The following NF1 variants were observed in gnomAD, a reference collection of about 807,000 sequenced individuals.
The protein encoded by NF1 is neurofibromin 1.
NF1 carries 122 observed loss-of-function variants against 325.7 expected under a neutral mutation model. The observed-to-expected ratio is 0.37, with a 90% confidence interval of 0.32 to 0.44. The LOEUF (loss-of-function observed/expected upper bound fraction) is 0.44, where lower values mean the gene tolerates loss of function less well. Among genes scored for constraint, NF1 ranks in the 20% least tolerant of loss-of-function variants. The pLI is 1.00. For missense variants in NF1, 2,140 were observed against 3,415.4 expected, an observed-to-expected ratio of 0.63 and a Z score of 9.31; for synonymous variants, 1,091 against 1,186.0, an observed-to-expected ratio of 0.92 and a Z score of 1.65.
At chr17:31,135,931 G>A (rs1915735701) in intron 1 of NF1, among the ~76,000 whole-genome samples, 1 of 151,838 alleles carries the variant, frequency 6.6e-6, no homozygotes, top group East Asian at 1.9e-4. Flanking sequence ...TACCCCTTGA[G>A]TCTCAGAATT....
At chr17:31,172,794 T>C (rs1469708793) in intron 5 of NF1, among the ~76,000 whole-genome samples, 6 of 152,200 alleles carry the variant, frequency 3.9e-5, no homozygotes. Flanking sequence ...GGCTTTGAGG[T>C]AGAGAATACC....
At chr17:31,209,118 T>C (rs545259666) in intron 12 of NF1, among the ~76,000 whole-genome samples, 43 of 152,030 alleles carry the variant, frequency 2.8e-4, no homozygotes, top group South Asian at 1.5e-3. Flanking sequence ...CAATATTCCC[T>C]TTACCCCCCA....
intron 57 of NF1, among the ~76,000 whole-genome samples, chr17:31,370,417 C>A (rs2070612943): frequency 6.6e-6 from 1 of 152,102 alleles, no homozygotes; most frequent in Admixed American, 6.6e-5. Context: ...GCATTTCCTT[C>A]CAGTTTCTTT....
intron 1 of NF1, among the ~76,000 whole-genome samples, chr17:31,101,179 A>C (rs562353373): frequency 6.6e-5 from 10 of 152,004 alleles, no homozygotes; most frequent in Non-Finnish European, 1.3e-4. Context: ...TTTTCTTGAA[A>C]GTGATTACTT....
chr17:31,337,705 T>C (rs1040887404), intron 43 of NF1, 114 bp from the exon 44 acceptor site: 6 of 1,376,654 alleles, frequency 4.4e-6, no homozygotes, highest in Middle Eastern at 2.0e-4. Flanking sequence ...TAAAAACACT[T>C]GCATGGACTG....
chr17:31,096,825 C>T (rs918433710), intron 1 of NF1, among the ~76,000 whole-genome samples: 2 of 152,148 alleles, frequency 1.3e-5, no homozygotes, highest in Non-Finnish European at 2.9e-5. Flanking sequence ...TCGTATGCTT[C>T]CAGACCCAAA....
chr17:31,107,887 C>T (rs187065043), intron 1 of NF1, among the ~76,000 whole-genome samples: 84 of 152,040 alleles, frequency 5.5e-4, no homozygotes, highest in African/African-American at 2.0e-3. Flanking sequence ...CCTGTAATCC[C>T]AGCACTTTGG....
rs2067066207 is a variant in NF1, at chr17:31,229,113, C to A, written c.2498C>A (p.Ser833Tyr). Residue 833 changes from serine to tyrosine, a missense_variant, in exon 21 of 58, where the codon TCC (serine) becomes TAC (tyrosine). This residue lies in a region of NF1 where 380 missense variants were observed against 639.3 expected (regional missense o/e 0.59). Transcript: ENST00000358273. ...GGSIDLSDTD[S>Y]LQEWINMTGF... ...TCCATAGATTTGTCTGACACAGACT[C>A]CCTACAGGAATGGATCAACATGACT... is the stretch of plus-strand genomic sequence containing the variant. 4 of 1,611,848 alleles carry A rather than the reference C, an allele frequency of 2.5e-6. No homozygotes were observed. Among genetic ancestry groups the A allele is most frequent in the Non-Finnish European group, 3.4e-6 (4 of 1,179,786 alleles).
chr17:31,252,888 C>A (rs756210967), intron 30 of NF1, 50 bp from the exon 31 acceptor site: 1 of 1,421,942 alleles, frequency 7.0e-7, no homozygotes, highest in Non-Finnish European at 9.9e-7. Flanking sequence ...GTTTTTGTTG[C>A]TGTATGTAGT....
In NF1 at chr17:31,181,550, G is replaced by A. The variant is rs1414051145; in HGVS notation, c.654+61G>A. The A allele has an allele frequency of 9.3e-6, 14 of 1,512,506 alleles. No homozygotes were observed. In the South Asian group the frequency reaches 1.4e-4, roughly 15 times the overall value. 93.7% of individuals were successfully genotyped at this position (1,512,506 alleles called of 1,614,324 possible). A position where few individuals can be genotyped will look rare whatever the true frequency, so the allele number is the denominator to read the frequency against. Reference sequence around the variant, plus strand: ...TTTGATGTAAAATTTGCTGTTGTTAGCATCCTGAATCAAAAAGTTATGACT... The same window carrying A: ...TTTGATGTAAAATTTGCTGTTGTTAACATCCTGAATCAAAAAGTTATGACT... On this transcript the variant is annotated intron_variant, in intron 6 of 57. Transcript: ENST00000358273.
intron 39 of NF1, among the ~76,000 whole-genome samples, chr17:31,332,974 G>A (rs1207058499): frequency 6.6e-6 from 1 of 152,012 alleles, no homozygotes; most frequent in Admixed American, 6.6e-5. Context: ...AGGCACCATG[G>A]CACATGCCTG....
In NF1 at chr17:31,227,542, C is replaced by G. The variant is rs1203924788; in HGVS notation, c.2345C>G (p.Ala782Gly). 1 of 1,613,626 alleles carries G rather than the reference C, an allele frequency of 6.2e-7. No homozygotes were observed. The highest frequency in any genetic ancestry group is 8.5e-7 in the Non-Finnish European group (1 of 1,179,766). The change falls in exon 20 of 58, where the codon GCA (alanine) becomes GGA (glycine). Residue 782 changes from alanine to glycine, a missense_variant. Coordinates refer to ENST00000358273, the MANE Select transcript of NF1 (RefSeq NM_001042492.3). The stretch of plus-strand genomic sequence containing the variant: ...TTTTAGGCTTGGGAAGATACACATG[C>G]AAAATGGGAACAAGCAACAAAGCTA... ...GNTEAWEDTH[A>G]KWEQATKLIL...
chr17:31,187,239 G>T (rs1191469088), intron 8 of NF1, among the ~76,000 whole-genome samples: 1 of 152,070 alleles, frequency 6.6e-6, no homozygotes, highest in Non-Finnish European at 1.5e-5. Context: ...TTGCTCTGTT[G>T]CCAGGCTGGA....
chr17:31,121,942 T>C (rs2143393272), intron 1 of NF1, among the ~76,000 whole-genome samples: 1 of 152,300 alleles, frequency 6.6e-6, no homozygotes, highest in East Asian at 1.9e-4. Flanking sequence ...GTTTCAATGG[T>C]GTCCCATTAA....
chr17:31,210,851 A>G (rs1389050688), intron 12 of NF1, among the ~76,000 whole-genome samples: 3 of 152,228 alleles, frequency 2.0e-5, no homozygotes, highest in Non-Finnish European at 4.4e-5. Context: ...CCCTTTTTAT[A>G]TGAATGTTGA....
chr17:31,262,424 T>G (rs1342212792), intron 35 of NF1, among the ~76,000 whole-genome samples: 1 of 152,226 alleles, frequency 6.6e-6, no homozygotes, highest in Non-Finnish European at 1.5e-5. Context: ...GTTAGACACT[T>G]ACTCTGTGAT....
intron 8 of NF1, among the ~76,000 whole-genome samples, chr17:31,193,771 AT>A (rs1424370857): frequency 6.6e-6 from 1 of 152,150 alleles, no homozygotes; most frequent in African/African-American, 2.4e-5. Context: ...TGACCAACAG[AT>A]ATATTTTTTA....
Position 31,201,501 on chromosome 17 carries a change from A to T in NF1, c.1260+16A>T, listed in dbSNP as rs2066529931. On this transcript the variant is annotated intron_variant, in intron 11 of 57. Coordinates refer to ENST00000358273, the MANE Select transcript of NF1 (RefSeq NM_001042492.3). ...CATCACCAATGTAAGTCCAAAAGGT[A>T]TTGCTAAATTACTAAAAAAATTTTT... The T allele has an allele frequency of 1.9e-6, 3 of 1,587,534 alleles. No homozygotes were observed. Among genetic ancestry groups the T allele is most frequent in the Non-Finnish European group, 2.6e-6 (3 of 1,159,302 alleles).
At chr17:31,144,622 C>T (rs546308906) in intron 1 of NF1, among the ~76,000 whole-genome samples, 21 of 152,042 alleles carry the variant, frequency 1.4e-4, no homozygotes, top group African/African-American at 5.1e-4. Context: ...GCCTCTCTCT[C>T]CACAATGGCG....
Sources: allele counts gnomAD v4.1 joint callset (sites outside exome capture counted in the v4.1 genomes callset), GRCh38; gene constraint gnomAD v4.1.1; regional missense constraint gnomAD v4.1.1; transcripts MANE v1.5; gene names NCBI Gene and HGNC (gene_info 2026-07-23, HGNC 2026-07-21).